MND1: variants seen among roughly 807,000 people sequenced by gnomAD.
MND1 encodes the protein meiotic nuclear divisions 1, also known as meiotic nuclear division protein 1 homolog.
A neutral mutation model predicts 35.1 loss-of-function variants in MND1; 28 were observed. That is an observed-to-expected ratio of 0.80 (90% CI 0.59 to 1.09). The LOEUF is 1.09. Ranked by LOEUF, MND1 falls within the 50% of genes least tolerant of loss-of-function variation. MND1 has a pLI of 0.00. For synonymous variants in MND1, 69 were observed against 70.5 expected, an observed-to-expected ratio of 0.98 and a Z score of 0.11; for missense variants, 213 against 239.6, an observed-to-expected ratio of 0.89 and a Z score of 0.73.
chr4:153,415,045 T>TC lies in MND1; in HGVS notation c.*194dup, dbSNP rs1729798803. The TC allele has an allele frequency of 2.7e-6, 1 of 367,586 alleles. No individual in the cohort carries two copies. The highest frequency in any genetic ancestry group is 8.7e-5 in the South Asian group (1 of 11,510). The allele number at this position is 367,586 out of a possible 1,614,324, so 22.8% of individuals were successfully genotyped here. On this transcript the variant is annotated 3_prime_UTR_variant, in exon 8 of 8. Coordinates refer to ENST00000240488, the MANE Select transcript of MND1 (RefSeq NM_032117.4). ...GAACAAAAGCAGGATGATAACCATA[T>TC]CCCCCCAGTGCTCATCAAAGTAGGA...
chr4:153,373,412 T>A (rs1440475997), intron 4 of MND1, among the ~76,000 whole-genome samples: 3 of 152,172 alleles, frequency 2.0e-5, no homozygotes, highest in Non-Finnish European at 2.9e-5. Flanking sequence ...AGGGAAAAGG[T>A]CAAATATACG....
chr4:153,354,783 A>T (rs1773300010), intron 2 of MND1, among the ~76,000 whole-genome samples: 1 of 152,204 alleles, frequency 6.6e-6, no homozygotes, highest in Non-Finnish European at 1.5e-5. Context: ...TATAGACAGG[A>T]GACACCATGA....
At chr4:153,371,324 C>T (rs553608031) in intron 4 of MND1, among the ~76,000 whole-genome samples, 5 of 152,046 alleles carry the variant, frequency 3.3e-5, no homozygotes, top group Non-Finnish European at 7.4e-5. Context: ...TCACCCTGGC[C>T]TTTGAAACTT....
At chr4:153,388,799 TC>T (rs1026609368) in intron 4 of MND1, among the ~76,000 whole-genome samples, 2 of 152,292 alleles carry the variant, frequency 1.3e-5, no homozygotes, top group Non-Finnish European at 2.9e-5. Flanking sequence ...CATTGGCGGT[TC>T]CCGAGCTCTT....
intron 1 of MND1, among the ~76,000 whole-genome samples, chr4:153,346,378 A>C (rs147658858): frequency 2.6e-5 from 4 of 152,340 alleles, no homozygotes; most frequent in African/African-American, 9.6e-5. Flanking sequence ...GGTTTAAAAT[A>C]CTTCCAGAAA....
chr4:153,382,857 A>G (rs1728746770), intron 4 of MND1, among the ~76,000 whole-genome samples: 1 of 152,250 alleles, frequency 6.6e-6, no homozygotes, highest in South Asian at 2.1e-4. Context: ...TAATTCTCAT[A>G]AGTATTCAGA....
At chr4:153,379,330 A>G (rs1295742386) in intron 4 of MND1, among the ~76,000 whole-genome samples, 2 of 151,508 alleles carry the variant, frequency 1.3e-5, no homozygotes, top group East Asian at 1.9e-4. Flanking sequence ...GAAAAGAAAA[A>G]AAAAAAGAAA....
intron 6 of MND1, among the ~76,000 whole-genome samples, chr4:153,401,515 T>C (rs1372556602): frequency 6.6e-6 from 1 of 150,414 alleles, no homozygotes; most frequent in Non-Finnish European, 1.5e-5. Context: ...CTTAAGACTT[T>C]AACCTCTACT....
chr4:153,391,538 C>G (rs756099452), intron 4 of MND1, among the ~76,000 whole-genome samples: 6 of 151,758 alleles, frequency 4.0e-5, no homozygotes, highest in Non-Finnish European at 8.8e-5. Context: ...CCAGCCTGAC[C>G]AACATGGCGA....
At chr4:153,351,729 A>T (rs1477674575) in intron 2 of MND1, among the ~76,000 whole-genome samples, 1 of 152,244 alleles carries the variant, frequency 6.6e-6, no homozygotes, top group Non-Finnish European at 1.5e-5. Context: ...ACAAAATCAA[A>T]TATGGCTACT....
chr4:153,394,163 C>A, intron 4 of MND1, 99 bp from the exon 5 acceptor site: 1 of 1,009,300 alleles, frequency 9.9e-7, no homozygotes, highest in Non-Finnish European at 1.5e-6. Context: ...GGGGCGAGTG[C>A]TGGGGCGTGA....
intron 4 of MND1, among the ~76,000 whole-genome samples, chr4:153,374,790 A>G (rs1728453494): frequency 6.6e-6 from 1 of 152,114 alleles, no homozygotes; most frequent in African/African-American, 2.4e-5. Flanking sequence ...ATTATTAAAT[A>G]CAGTCTATAA....
At chr4:153,384,202 G>A (rs1012861545) in intron 4 of MND1, among the ~76,000 whole-genome samples, 2 of 145,048 alleles carry the variant, frequency 1.4e-5, no homozygotes, top group Non-Finnish European at 3.0e-5. Flanking sequence ...GTTAAAAATG[G>A]TTCCTTTTAA....
At chr4:153,379,017 G>A (rs1368027361) in intron 4 of MND1, among the ~76,000 whole-genome samples, 8 of 152,038 alleles carry the variant, frequency 5.3e-5, no homozygotes, top group Non-Finnish European at 7.4e-5. Flanking sequence ...GGCTGCGCGC[G>A]GTGACTCACG....
intron 2 of MND1, among the ~76,000 whole-genome samples, chr4:153,352,460 T>A (rs1773238752): frequency 6.6e-6 from 1 of 152,194 alleles, no homozygotes; most frequent in Non-Finnish European, 1.5e-5. Flanking sequence ...ACTTGACCTC[T>A]CTATGTCTGT....
intron 4 of MND1, among the ~76,000 whole-genome samples, chr4:153,389,237 A>G (rs1287860686): frequency 6.6e-6 from 1 of 152,064 alleles, no homozygotes; most frequent in East Asian, 1.9e-4. Context: ...GCGAGGTTTC[A>G]CCAGGGACCC....
At chr4:153,388,216 G>A (rs781700890) in intron 4 of MND1, among the ~76,000 whole-genome samples, 14 of 152,192 alleles carry the variant, frequency 9.2e-5, no homozygotes, top group East Asian at 5.8e-4. Context: ...TAGGCTGGGC[G>A]TGGTGGCTCA....
chr4:153,382,534 T>G (rs1237323193), intron 4 of MND1, among the ~76,000 whole-genome samples: 1 of 152,234 alleles, frequency 6.6e-6, no homozygotes, highest in Non-Finnish European at 1.5e-5. Context: ...AGTAAGAGTA[T>G]TATTCTCTTA....
intron 4 of MND1, among the ~76,000 whole-genome samples, chr4:153,372,869 A>C (rs539116746): frequency 6.6e-6 from 1 of 152,302 alleles, no homozygotes; most frequent in African/African-American, 2.4e-5. Flanking sequence ...ATAGGTATTA[A>C]GCTCTTTTAT....
Sources: allele counts gnomAD v4.1 joint callset (sites outside exome capture counted in the v4.1 genomes callset), GRCh38; gene constraint gnomAD v4.1.1; transcripts MANE v1.5; gene names NCBI Gene and HGNC (gene_info 2026-07-23, HGNC 2026-07-21).